SYBU: variants seen among roughly 807,000 people sequenced by gnomAD.
The protein encoded by SYBU is GOLSYN A protein.
SYBU carries 21 observed loss-of-function variants against 35.9 expected under a neutral mutation model. That is an observed-to-expected ratio of 0.58 (90% CI 0.41 to 0.84). The LOEUF (loss-of-function observed/expected upper bound fraction) is 0.84. Among genes scored for constraint, SYBU ranks in the 40% least tolerant of loss-of-function variants. The pLI is 0.00. For missense variants in SYBU, 768 were observed against 848.2 expected, an observed-to-expected ratio of 0.91 and a Z score of 1.17; for synonymous variants, 319 against 324.3, an observed-to-expected ratio of 0.98 and a Z score of 0.18.
intron 2 of SYBU, among the ~76,000 whole-genome samples, chr8:109,622,139 A>T (rs1393043804): frequency 1.3e-5 from 2 of 151,492 alleles, no homozygotes; most frequent in African/African-American, 4.9e-5. Flanking sequence ...TTTTTTCAAG[A>T]CTTAAATGAC....
chr8:109,652,554 C>G (rs1266397276), intron 1 of SYBU, among the ~76,000 whole-genome samples: 1 of 152,152 alleles, frequency 6.6e-6, no homozygotes, highest in African/African-American at 2.4e-5. Flanking sequence ...AGGACGGCAT[C>G]AAGACAATAC....
chr8:109,644,146 C>T (rs150117041), intron 1 of SYBU: 5,442 of 459,100 alleles, frequency 0.012, 54 homozygotes, highest in Non-Finnish European at 0.016. Flanking sequence ...TCGGAGGGCC[C>T]TCAGGCATCC....
intron 3 of SYBU, among the ~76,000 whole-genome samples, chr8:109,611,616 T>C (rs190858041): frequency 4.6e-5 from 7 of 152,312 alleles, no homozygotes; most frequent in African/African-American, 1.7e-4. Flanking sequence ...TCAGTATAAA[T>C]ACAAAAGCTC....
intron 1 of SYBU, among the ~76,000 whole-genome samples, chr8:109,674,111 G>C (rs953481237): frequency 6.6e-6 from 1 of 152,090 alleles, no homozygotes; most frequent in Non-Finnish European, 1.5e-5. Flanking sequence ...CACTCTTCAG[G>C]ATATTATCCA....
At chr8:109,690,217 T>TA (rs35259194) in intron 1 of SYBU, among the ~76,000 whole-genome samples, 10 of 151,380 alleles carry the variant, frequency 6.6e-5, no homozygotes, top group Admixed American at 4.0e-4. Flanking sequence ...CTGAAGCATA[T>TA]AAAAAAAAAT....
intron 3 of SYBU, among the ~76,000 whole-genome samples, chr8:109,595,278 G>C (rs1236395957): frequency 6.6e-6 from 1 of 152,192 alleles, no homozygotes; most frequent in Non-Finnish European, 1.5e-5. Context: ...GGTCCTGGCA[G>C]AGGATGGTAA....
chr8:109,627,344 T>C (rs1813103103), intron 2 of SYBU, among the ~76,000 whole-genome samples: 1 of 152,328 alleles, frequency 6.6e-6, no homozygotes, highest in African/African-American at 2.4e-5. Flanking sequence ...ACTGGCATTT[T>C]TGAAGATAGT....
chr8:109,575,183 C>T lies in SYBU; in HGVS notation c.1715G>A (p.Arg572His), dbSNP rs200147690. 22 of 1,614,194 alleles carry T rather than the reference C, an allele frequency of 1.4e-5. No homozygotes were observed. The East Asian group carries it at 2.2e-4, about 16-fold the overall frequency. The stretch of plus-strand genomic sequence containing the variant: ...TGCAAAATCCAGCTCTCTCATGAGG[C>T]GGTTTGCATGAACTTCTGCATCCAC... ...ANVDAEVHAN[R>H]LMRELDFAAC... The change falls in exon 7 of 7, where the codon CGC (arginine) becomes CAC (histidine). Residue 572 changes from arginine (R) to histidine (H), a missense_variant. Coordinates refer to ENST00000276646, the MANE Select transcript of SYBU (RefSeq NM_001099754.2).
chr8:109,683,858 A>C (rs1015072733), upstream of SYBU, among the ~76,000 whole-genome samples: 5 of 152,162 alleles, frequency 3.3e-5, no homozygotes, highest in Non-Finnish European at 7.3e-5. Context: ...ACAAGATCTG[A>C]TGGTTTTATA....
chr8:109,590,255 G>A (rs1788617385), intron 3 of SYBU, among the ~76,000 whole-genome samples: 1 of 152,144 alleles, frequency 6.6e-6, no homozygotes, highest in African/African-American at 2.4e-5. Flanking sequence ...GGCTTGGGGG[G>A]CCCAGCCAAG....
chr8:109,641,613 T>G (rs1050802618), intron 2 of SYBU, among the ~76,000 whole-genome samples: 6 of 152,270 alleles, frequency 3.9e-5, no homozygotes, highest in African/African-American at 1.4e-4. Context: ...AGCCTTAGGC[T>G]ATAACTCTCC....
chr8:109,660,481 C>T (rs1295600326), intron 1 of SYBU, among the ~76,000 whole-genome samples: 4 of 152,080 alleles, frequency 2.6e-5, no homozygotes, highest in East Asian at 3.8e-4. Context: ...TTTTCTGTGG[C>T]TCACATGAAA....
chr8:109,587,274 A>T (rs1014876138), intron 3 of SYBU, among the ~76,000 whole-genome samples: 1 of 152,162 alleles, frequency 6.6e-6, no homozygotes, highest in Non-Finnish European at 1.5e-5. Flanking sequence ...AACAATGGCT[A>T]TTTATTGAGT....
intron 2 of SYBU, among the ~76,000 whole-genome samples, chr8:109,626,800 A>G (rs1813030670): frequency 6.6e-6 from 1 of 152,178 alleles, no homozygotes; most frequent in Non-Finnish European, 1.5e-5. Flanking sequence ...GTCCCAGCGG[A>G]GGTTGCAGTG....
chr8:109,632,997 T>G (rs1813811765), intron 2 of SYBU, among the ~76,000 whole-genome samples: 1 of 152,190 alleles, frequency 6.6e-6, no homozygotes, highest in Non-Finnish European at 1.5e-5. Context: ...AATATTTGCT[T>G]CATGAACAGA....
At chr8:109,586,028 G>T in intron 4 of SYBU, 32 bp downstream of exon 4, 3 of 1,531,038 alleles carry the variant, frequency 2.0e-6, no homozygotes, top group Non-Finnish European at 2.7e-6. Flanking sequence ...TGTGTAAAGC[G>T]TCTTAATTAC....
intron 6 of SYBU, among the ~76,000 whole-genome samples, chr8:109,577,641 C>T (rs563616579): frequency 5.9e-5 from 9 of 152,208 alleles, no homozygotes; most frequent in East Asian, 5.8e-4. Context: ...ACAACAACAA[C>T]GAAAAACAAA....
chr8:109,645,049 G>C, upstream of SYBU: 1 of 501,566 alleles, frequency 2.0e-6, no homozygotes, highest in Non-Finnish European at 3.9e-6. Context: ...GGTGTAGGCA[G>C]GCTGCGGCTA....
At chr8:109,580,769 T>A (rs1822937050) in intron 4 of SYBU, 1 of 152,496 alleles carries the variant, frequency 6.6e-6, no homozygotes, top group South Asian at 2.1e-4. Context: ...AAGGCCAGCC[T>A]CCTTAAGATG....
Sources: allele counts gnomAD v4.1 joint callset (sites outside exome capture counted in the v4.1 genomes callset), GRCh38; gene constraint gnomAD v4.1.1; transcripts MANE v1.5; gene names NCBI Gene and HGNC (gene_info 2026-07-23, HGNC 2026-07-21).